The following RUNX1T1 variants were observed in gnomAD, a reference collection of about 807,000 sequenced individuals.
RUNX1T1 encodes the protein protein CBFA2T1.
Under a neutral mutation model 62.8 loss-of-function variants are expected in RUNX1T1, and 4 were observed. That is an observed-to-expected ratio of 0.06 (90% CI 0.03 to 0.15). RUNX1T1 has a LOEUF of 0.15. Ranked by LOEUF, RUNX1T1 falls within the 10% of genes least tolerant of loss-of-function variation. The pLI, the probability that RUNX1T1 is intolerant of heterozygous loss-of-function variation, is 1.00. For synonymous variants in RUNX1T1, 291 were observed against 286.0 expected (o/e 1.02, Z -0.18); for missense variants, 508 against 754.3 (o/e 0.67, Z 3.82).
At chr8:91,959,733 T>C in exon 11 of RUNX1T1, 1 of 230,216 alleles carries the variant, frequency 4.3e-6, no homozygotes, top group South Asian at 1.8e-4. Flanking sequence ...CGGACGCCAT[T>C]CATCTTCTTG....
intron 6 of RUNX1T1, among the ~76,000 whole-genome samples, chr8:91,989,867 C>T (rs1817303201): frequency 6.6e-6 from 1 of 152,156 alleles, no homozygotes; most frequent in Admixed American, 6.5e-5. Flanking sequence ...GAAATGGTAC[C>T]TGCGAGAACA....
At chr8:91,959,412 TTGTG>T (rs56037232) in exon 11 of RUNX1T1, 8,534 of 137,824 alleles carry the variant, frequency 0.062, 370 homozygotes, top group African/African-American at 0.091. Context: ...AGTCTCTTAC[TTGTG>T]TGTGTGTGTG....
At chr8:92,005,664 TA>T in intron 4 of RUNX1T1, 1 of 179,286 alleles carries the variant, frequency 5.6e-6, no homozygotes, top group Non-Finnish European at 1.2e-5. Context: ...ATAGAGGGTA[TA>T]AAAAATATAT....
At chr8:92,096,601 CTG>C (rs966717461) in intron 1 of RUNX1T1, among the ~76,000 whole-genome samples, 1 of 152,116 alleles carries the variant, frequency 6.6e-6, no homozygotes, top group Admixed American at 6.5e-5. Flanking sequence ...TTTGGTTGTG[CTG>C]TGTTTCAAGG....
rs115423889 is a variant in RUNX1T1, at chr8:91,960,800, G to T, written c.1459-283C>A. ...ATAACATCCTTTCTTTTTAGGTTTG[G>T]TTATCTTTGTATGTAAATTCTCCCT... On this transcript the variant is annotated intron_variant, in intron 10 of 10. Coordinates refer to ENST00000396218, the Ensembl canonical transcript of RUNX1T1. Among the ~76,000 whole-genome samples, 1,072 of 152,254 alleles carry T rather than the reference G, an allele frequency of 7.0e-3. 17 individuals are homozygous for T. The highest frequency in any genetic ancestry group is 0.024 in the African/African-American group (1,002 of 41,530).
At chr8:91,958,158 T>C (rs971440972), downstream of RUNX1T1, 1 of 167,150 alleles carries the variant, frequency 6.0e-6, no homozygotes, top group African/African-American at 2.7e-5. Flanking sequence ...CTGGTGTATA[T>C]GTATTTGGAG....
At chr8:92,088,878 T>A (rs1340044209) in intron 1 of RUNX1T1, among the ~76,000 whole-genome samples, 1 of 152,220 alleles carries the variant, frequency 6.6e-6, no homozygotes, top group Non-Finnish European at 1.5e-5. Context: ...TTCTCTGACA[T>A]AATATTCAAC....
chr8:92,068,105 G>A (rs1833138740), intron 2 of RUNX1T1, among the ~76,000 whole-genome samples: 1 of 151,362 alleles, frequency 6.6e-6, no homozygotes, highest in Non-Finnish European at 1.5e-5. Context: ...GTTAACTGCT[G>A]TTTTTTTTCA....
exon 1 of RUNX1T1, chr8:92,062,863 A>G: frequency 7.2e-7 from 1 of 1,391,446 alleles, no homozygotes. Context: ...CACAACCCCT[A>G]CCCTCCCCTT....
upstream of RUNX1T1, chr8:92,102,859 T>C: frequency 6.6e-7 from 1 of 1,520,912 alleles, no homozygotes; most frequent in Non-Finnish European, 8.8e-7. This position sits in a 1 kb window ranked among gnomAD's most constrained non-coding sequence, Gnocchi z 4.5. Context: ...ACACTTACAC[T>C]GCACAGGGCC....
In RUNX1T1 at chr8:92,082,043, G is replaced by A. The variant is rs963554386; in HGVS notation, c.-85-5906C>T. ...TGGGACTACAGGCACCTGCCACCAC[G>A]CCCGGCTAATTTTTTGTATTTTTAG... On this transcript the variant is annotated intron_variant, in intron 1 of 11. Transcript: ENST00000265814. Among the ~76,000 whole-genome samples the A allele has an allele frequency of 2.6e-5, 4 of 152,060 alleles. No homozygotes were observed. The South Asian group carries it at 6.2e-4, about 24-fold the overall frequency.
chr8:92,073,498 A>G (rs552492009), intron 2 of RUNX1T1, among the ~76,000 whole-genome samples: 1 of 152,248 alleles, frequency 6.6e-6, no homozygotes, highest in African/African-American at 2.4e-5. Context: ...CCGACTGTTC[A>G]GCCATGGATA....
chr8:92,001,552 AGTAAT>A (rs1182048617), intron 5 of RUNX1T1, among the ~76,000 whole-genome samples: 2 of 152,224 alleles, frequency 1.3e-5, no homozygotes, highest in Non-Finnish European at 2.9e-5. Context: ...TTAAACTGAG[AGTAAT>A]GTAAAGCATA....
At chr8:91,961,860 C>A (rs545569057) in intron 10 of RUNX1T1, among the ~76,000 whole-genome samples, 1 of 152,250 alleles carries the variant, frequency 6.6e-6, no homozygotes, top group African/African-American at 2.4e-5. Flanking sequence ...AATCTGGTAA[C>A]CCCAAACAGC....
intron 1 of RUNX1T1, among the ~76,000 whole-genome samples, chr8:92,018,672 T>C (rs1308370925): frequency 6.6e-6 from 1 of 152,222 alleles, no homozygotes; most frequent in Non-Finnish European, 1.5e-5. Flanking sequence ...CCCAAATTAC[T>C]ACTATAACAA....
At chr8:92,081,880 T>TTTTATTTA (rs1251239505) in intron 1 of RUNX1T1, among the ~76,000 whole-genome samples, 6 of 151,932 alleles carry the variant, frequency 3.9e-5, no homozygotes, top group Admixed American at 2.0e-4. Context: ...AGTTGTGGTA[T>TTTTATTTA]TTTATTTATT....
chr8:91,971,912 G>C (rs940708692), intron 9 of RUNX1T1, among the ~76,000 whole-genome samples: 2 of 152,032 alleles, frequency 1.3e-5, no homozygotes, highest in Admixed American at 6.5e-5. Context: ...ATTAACAGGG[G>C]AAAATATCCT....
At chr8:92,044,918 C>T (rs1009073625) in intron 1 of RUNX1T1, among the ~76,000 whole-genome samples, 1 of 152,026 alleles carries the variant, frequency 6.6e-6, no homozygotes, top group African/African-American at 2.4e-5. Flanking sequence ...TATGAGGAAG[C>T]TATGCACAAG....
At chr8:91,964,011 C>T (rs1014425282) in intron 10 of RUNX1T1, among the ~76,000 whole-genome samples, 1 of 151,992 alleles carries the variant, frequency 6.6e-6, no homozygotes, top group African/African-American at 2.4e-5. Context: ...TATTTTCCTC[C>T]CTATCTGAAA....
Sources: allele counts gnomAD v4.1 joint callset (sites outside exome capture counted in the v4.1 genomes callset), GRCh38; gene constraint gnomAD v4.1.1; non-coding constraint Gnocchi (gnomAD v3.1); transcripts MANE v1.5; gene names NCBI Gene and HGNC (gene_info 2026-07-23, HGNC 2026-07-21).